Variants in CHCHD6 observed in about 807,000 individuals in gnomAD.
The protein encoded by CHCHD6 is coiled-coil-helix-coiled-coil-helix domain containing 6.
Under a neutral mutation model 32.3 loss-of-function variants are expected in CHCHD6, and 28 were observed. The observed-to-expected ratio is 0.87, with a 90% CI of 0.64 to 1.19. The LOEUF (loss-of-function observed/expected upper bound fraction) is 1.19, where lower values mean the gene tolerates loss of function less well. Among genes scored for constraint, CHCHD6 ranks in the 50% most tolerant of loss-of-function variants. The probability of loss-of-function intolerance (pLI) is 0.00; values close to 1 mark genes in which losing one functional copy is unlikely to be tolerated. For synonymous variants in CHCHD6, 122 were observed against 117.5 expected (o/e 1.04, Z -0.25); for missense variants, 333 against 307.0 (o/e 1.08, Z -0.63).
At chr3:126,805,691 G>GA (rs1939334306) in intron 4 of CHCHD6, among the ~76,000 whole-genome samples, 1 of 152,030 alleles carries the variant, frequency 6.6e-6, no homozygotes, top group Non-Finnish European at 1.5e-5. Context: ...CACAGAATTG[G>GA]AAAAAACTAC....
At chr3:126,904,199 C>G (rs1405292226) in intron 5 of CHCHD6, among the ~76,000 whole-genome samples, 1 of 152,176 alleles carries the variant, frequency 6.6e-6, no homozygotes. Context: ...GCCTTTCACC[C>G]CTGGTTAGCC....
In CHCHD6 at chr3:126,750,779, C is replaced by T. The variant is rs116167779; in HGVS notation, c.411+17557C>T. Among the ~76,000 whole-genome samples the T allele has an allele frequency of 4.2e-3, 645 of 152,346 alleles. 7 individuals carry two copies. Among genetic ancestry groups the T allele is most frequent in the African/African-American group, 0.015 (603 of 41,578 alleles). ...CCTTGTTTCCCAGTTAAAGCCAGCC[C>T]ATTAACACTGCCCCATCTGTCACCA... On this transcript the variant is annotated intron_variant, in intron 4 of 7. Coordinates refer to ENST00000290913, the MANE Select transcript of CHCHD6 (RefSeq NM_032343.3).
At chr3:126,883,389 T>C (rs940206916) in intron 5 of CHCHD6, among the ~76,000 whole-genome samples, 2 of 152,186 alleles carry the variant, frequency 1.3e-5, no homozygotes, top group African/African-American at 4.8e-5. Flanking sequence ...TCTGCCACTG[T>C]CTTCAGGGAG....
chr3:126,746,338 G>A (rs1323400400), intron 4 of CHCHD6, among the ~76,000 whole-genome samples: 1 of 152,168 alleles, frequency 6.6e-6, no homozygotes, highest in Admixed American at 6.5e-5. Flanking sequence ...CAGACTCCCT[G>A]CTCTCTCTCC....
At chr3:126,790,540 T>G (rs1186406988) in intron 4 of CHCHD6, among the ~76,000 whole-genome samples, 1 of 152,160 alleles carries the variant, frequency 6.6e-6, no homozygotes, top group Non-Finnish European at 1.5e-5. Flanking sequence ...TCTTTTTTCT[T>G]TAAACTTCTC....
At chr3:126,811,001 T>A (rs940414489) in intron 4 of CHCHD6, among the ~76,000 whole-genome samples, 2 of 152,022 alleles carry the variant, frequency 1.3e-5, no homozygotes, top group African/African-American at 2.4e-5. Context: ...GGATAATTGG[T>A]TGGGAGCAGA....
chr3:126,842,969 C>T (rs1243365986), intron 4 of CHCHD6, among the ~76,000 whole-genome samples: 1 of 151,976 alleles, frequency 6.6e-6, no homozygotes, highest in East Asian at 1.9e-4. Flanking sequence ...TAATCAGATA[C>T]TCTAAATCTT....
chr3:126,893,100 C>G (rs1339201049), intron 5 of CHCHD6, among the ~76,000 whole-genome samples: 1 of 151,920 alleles, frequency 6.6e-6, no homozygotes, highest in Non-Finnish European at 1.5e-5. Context: ...TCCCAAGTAG[C>G]TGGGATTACA....
chr3:126,814,021 C>T lies in CHCHD6; in HGVS notation c.412-38626C>T, dbSNP rs767280517. On this transcript the variant is annotated intron_variant, in intron 4 of 7. Transcript: ENST00000290913. ...CTCCCCAGAGGAACCCAGCATTAAA[C>T]GTAGCTAACTTTGCTAGAATAATTA... is the stretch of plus-strand genomic sequence containing the variant. 3.6e-4 allele frequency among the ~76,000 whole-genome samples: 55 copies of T among 152,190 alleles called. 1 individual carries two copies. The highest frequency in any genetic ancestry group is 5.3e-4 in the Non-Finnish European group (36 of 68,034).
chr3:126,759,417 C>G (rs1470871382), intron 4 of CHCHD6, among the ~76,000 whole-genome samples: 1 of 152,172 alleles, frequency 6.6e-6, no homozygotes, highest in African/African-American at 2.4e-5. Flanking sequence ...TTGTCCCAAT[C>G]AAGTCTTTTG....
intron 5 of CHCHD6, chr3:126,865,856 T>TAGAG: frequency 1.6e-6 from 1 of 644,436 alleles, no homozygotes; most frequent in Non-Finnish European, 1.9e-6. Flanking sequence ...GCAACCTCTC[T>TAGAG]TGCACTCTAG....
At chr3:126,715,702 G>A (rs559153845) in intron 1 of CHCHD6, among the ~76,000 whole-genome samples, 3 of 149,778 alleles carry the variant, frequency 2.0e-5, no homozygotes, top group East Asian at 4.0e-4. Flanking sequence ...TTTCCCACGA[G>A]CCATACTCAG....
At chr3:126,745,130 G>T (rs116314136) in intron 4 of CHCHD6, among the ~76,000 whole-genome samples, 1 of 152,168 alleles carries the variant, frequency 6.6e-6, no homozygotes, top group Non-Finnish European at 1.5e-5. Flanking sequence ...GCTGCAAAAG[G>T]GGGGCTGGGA....
At chr3:126,788,623 A>G (rs557710719) in intron 4 of CHCHD6, among the ~76,000 whole-genome samples, 3 of 152,028 alleles carry the variant, frequency 2.0e-5, no homozygotes, top group Non-Finnish European at 2.9e-5. Context: ...AGAAGTGTTT[A>G]TAGTATTCTC....
Position 126,957,335 on chromosome 3 carries a change from A to T in CHCHD6, c.567-81A>T, listed in dbSNP as rs945298784. On this transcript the variant is annotated intron_variant, in intron 6 of 7. Coordinates refer to ENST00000290913, the MANE Select transcript of CHCHD6 (RefSeq NM_032343.3). ...GGACTTAGCCTAGCGCCTGGGAGGT[A>T]GGTGGAGTGAATGTGAGTTGTTTCT... The T allele has an allele frequency of 6.7e-6, 10 of 1,501,562 alleles. No individual in the cohort carries two copies. The African/African-American group carries it at 1.4e-4, about 21-fold the overall frequency. 93.0% of individuals were successfully genotyped at this position (1,501,562 alleles called of 1,614,324 possible). A position where few individuals can be genotyped will look rare whatever the true frequency, so the allele number is the denominator to read the frequency against.
chr3:126,893,483 T>C (rs928187561), intron 5 of CHCHD6, among the ~76,000 whole-genome samples: 3 of 152,230 alleles, frequency 2.0e-5, no homozygotes, highest in South Asian at 4.1e-4. Flanking sequence ...AGACAGACAT[T>C]GAGCATGCCT....
In CHCHD6 at chr3:126,852,641, A is replaced by C. The variant is rs762673853; in HGVS notation, c.412-6A>C. Reference sequence around the variant, plus strand: ...GCTAACGTGGGCTTTGTTCTCTTCCAAGCAGGCCAGGGAGCTGGAGAGCAG... The same window carrying C: ...GCTAACGTGGGCTTTGTTCTCTTCCCAGCAGGCCAGGGAGCTGGAGAGCAG... On this transcript the variant is annotated splice_region_variant and splice_polypyrimidine_tract_variant and intron_variant, in intron 4 of 7. Transcript: ENST00000290913. 1.2e-6 allele frequency: 2 copies of C among 1,612,746 alleles called. No individual in the cohort carries two copies. Among genetic ancestry groups the C allele is most frequent in the Non-Finnish European group, 8.5e-7 (1 of 1,178,856 alleles).
At chr3:126,935,692 G>T (rs1382768036) in intron 6 of CHCHD6, among the ~76,000 whole-genome samples, 2 of 152,230 alleles carry the variant, frequency 1.3e-5, no homozygotes, top group African/African-American at 4.8e-5. Context: ...TACAAAGCTT[G>T]AGGCTAGTCA....
intron 4 of CHCHD6, among the ~76,000 whole-genome samples, chr3:126,760,406 T>C (rs187472874): frequency 2.6e-4 from 39 of 152,350 alleles, no homozygotes; most frequent in South Asian, 1.9e-3. Flanking sequence ...TTAATTATAG[T>C]CACAATGTTG....
Sources: allele counts gnomAD v4.1 joint callset (sites outside exome capture counted in the v4.1 genomes callset), GRCh38; gene constraint gnomAD v4.1.1; transcripts MANE v1.5; gene names NCBI Gene and HGNC (gene_info 2026-07-23, HGNC 2026-07-21).